Variants in SLC5A9 observed in about 807,000 individuals in gnomAD.
SLC5A9 encodes the protein sodium/glucose cotransporter 4.
SLC5A9 carries 59 observed loss-of-function variants against 70.9 expected under a neutral mutation model. The observed-to-expected ratio is 0.83, with a 90% CI of 0.68 to 1.03. SLC5A9 has a LOEUF of 1.03. Among genes scored for constraint, SLC5A9 ranks in the 50% least tolerant of loss-of-function variants. The pLI is 0.00. For missense variants in SLC5A9, 832 were observed against 881.1 expected, an observed-to-expected ratio of 0.94 and a Z score of 0.71; for synonymous variants, 340 against 346.5, an observed-to-expected ratio of 0.98 and a Z score of 0.21.
intron 12 of SLC5A9, chr1:48,241,827 T>C (rs763732364): frequency 2.8e-5 from 12 of 428,566 alleles, no homozygotes; most frequent in Non-Finnish European, 4.2e-5. Flanking sequence ...CACCACTACA[T>C]GTCTGGTCAC....
In SLC5A9 at chr1:48,232,393, C is replaced by T; in HGVS notation, c.924C>T (p.Ala308=). ...DQVIVQRSLS[A]KSLSHAKGGS... ...TCATTGTGCAGCGGTCTCTCTCGGC[C>T]AAGAGTCTGTCTCATGCCAAGGGAG... Residue 308 remains alanine, a synonymous_variant, in exon 8 of 14, where the codon GCC becomes GCT. Transcript: ENST00000438567. 3 of 1,614,182 alleles carry T rather than the reference C, an allele frequency of 1.9e-6. No homozygotes were observed. The highest frequency in any genetic ancestry group is 2.5e-6 in the Non-Finnish European group (3 of 1,180,034).
At chr1:48,226,330 C>T (rs113924129) in intron 2 of SLC5A9, among the ~76,000 whole-genome samples, 81 of 152,308 alleles carry the variant, frequency 5.3e-4, no homozygotes, top group African/African-American at 1.8e-3. Context: ...GGTCAACCCA[C>T]AGAGAGCCGA....
rs212991 is a variant in SLC5A9, at chr1:48,232,061, T to G, written c.807T>G (p.Ile269Met). 1,612,263 of 1,614,196 alleles carry G rather than the reference T, an allele frequency of 1. 805,167 individuals carry two copies. The highest frequency in any genetic ancestry group is 1 in the Middle Eastern group (6,062 of 6,062). ...CHLPRPDAFHILRDPVSGDIP... is the reference protein window; with the variant it reads ...CHLPRPDAFHMLRDPVSGDIP... ...TCCCACGGCCCGATGCTTTCCACAT[T>G]CTTCGGGACCCTGTGAGCGGGGACA... Residue 269 changes from isoleucine to methionine, a missense_variant, in exon 7 of 14, where the codon ATT becomes ATG. Physicochemically the swap from Ile to Met is conservative, Grantham distance 10. Transcript: ENST00000438567.
At chr1:48,233,871 A>G (rs1433984140) in intron 9 of SLC5A9, 109 bp downstream of exon 9, 4 of 785,372 alleles carry the variant, frequency 5.1e-6, no homozygotes, top group Non-Finnish European at 8.8e-6. Flanking sequence ...GAAGAAAACT[A>G]TTCACCTCTG....
Position 48,247,960 on chromosome 1 carries a change from C to T in SLC5A9, c.*417C>T, listed in dbSNP as rs1644477958. ...AAGAGCACCTTTGCTCCCCCTTATC[C>T]TCCTTCCTCTTCCCCTTTCTAGTTC... On this transcript the variant is annotated 3_prime_UTR_variant, in exon 14 of 14. Coordinates refer to ENST00000438567, the MANE Select transcript of SLC5A9 (RefSeq NM_001011547.3). The T allele has an allele frequency of 1.1e-5, 2 of 187,894 alleles. No individual in the cohort carries two copies. The highest frequency in any genetic ancestry group is 2.3e-5 in the Non-Finnish European group (2 of 88,080). The allele number at this position is 187,894 out of a possible 1,614,324, so 11.6% of individuals were successfully genotyped here. A position where few individuals can be genotyped will look rare whatever the true frequency, so the allele number is the denominator to read the frequency against.
In SLC5A9 at chr1:48,240,878, C is replaced by T. The variant is rs575211367; in HGVS notation, c.1677+1341C>T. On this transcript the variant is annotated intron_variant, in intron 12 of 13. Coordinates refer to ENST00000438567, the MANE Select transcript of SLC5A9 (RefSeq NM_001011547.3). Reference sequence around the variant, plus strand: ...GTTGTCCCCAACATTCTGCTGAAATCGCTCTCACTGAAGTCACTGATAACA... The same window carrying T: ...GTTGTCCCCAACATTCTGCTGAAATTGCTCTCACTGAAGTCACTGATAACA... Among the ~76,000 whole-genome samples the T allele has an allele frequency of 9.2e-5, 14 of 152,336 alleles. No individual in the cohort carries two copies. In the South Asian group the frequency reaches 1.0e-3, roughly 11 times the overall value.
chr1:48,224,049 G>T (rs1422203179), intron 1 of SLC5A9, among the ~76,000 whole-genome samples: 1 of 152,220 alleles, frequency 6.6e-6, no homozygotes, highest in African/African-American at 2.4e-5. Context: ...TCAGAGAACT[G>T]TTGGCTTTTG....
intron 4 of SLC5A9, 181 bp downstream of exon 4, chr1:48,229,640 G>A (rs534111996): frequency 2.2e-6 from 2 of 923,208 alleles, no homozygotes; most frequent in Non-Finnish European, 3.1e-6. Context: ...AGAGATGAAT[G>A]ATAAATGTTT....
chr1:48,232,804 AAAGAAAAGAG>A (rs1234534512), intron 8 of SLC5A9, among the ~76,000 whole-genome samples: 1 of 137,242 alleles, frequency 7.3e-6, no homozygotes, highest in Admixed American at 8.0e-5. Context: ...AAAGAAAAGT[AAAGAAAAGAG>A]AAGAGAAGAG....
At chr1:48,224,318 G>GGA (rs1644112987) in intron 1 of SLC5A9, among the ~76,000 whole-genome samples, 1 of 152,212 alleles carries the variant, frequency 6.6e-6, no homozygotes, top group Admixed American at 6.5e-5. Flanking sequence ...CTCCAGTGTG[G>GGA]GAGCTCAGCT....
intron 2 of SLC5A9, among the ~76,000 whole-genome samples, chr1:48,226,933 G>A (rs138405858): frequency 2.6e-4 from 39 of 152,314 alleles, no homozygotes; most frequent in African/African-American, 9.1e-4. Flanking sequence ...CCGCCTGAGA[G>A]AGGAAGAGTG....
chr1:48,244,811 AATTATATTTAT>A (rs1404634598), intron 13 of SLC5A9, among the ~76,000 whole-genome samples: 1 of 123,024 alleles, frequency 8.1e-6, no homozygotes, highest in African/African-American at 3.4e-5. Context: ...ATTATATATA[AATTATATTTAT>A]ATTATATATA....
At position 48,239,593 on chromosome 1, in the gene SLC5A9, C is replaced by G. The variant is rs1383112712; in HGVS notation, c.1677+56C>G. Reference sequence around the variant, plus strand: ...AGAAATGCTCTCCCTTCCCCCATAGCCTAGAATTCCACTGCTGACTTTTAC... The same window carrying G: ...AGAAATGCTCTCCCTTCCCCCATAGGCTAGAATTCCACTGCTGACTTTTAC... On this transcript the variant is annotated intron_variant, in intron 12 of 13. Coordinates refer to ENST00000438567, the MANE Select transcript of SLC5A9 (RefSeq NM_001011547.3). The surrounding 1 kb of genome is among the most constrained non-coding windows in gnomAD (Gnocchi z 4.2). The G allele has an allele frequency of 1.3e-6, 2 of 1,509,230 alleles. No homozygotes were observed. Among genetic ancestry groups the G allele is most frequent in the Admixed American group, 1.7e-5 (1 of 59,630 alleles). 93.5% of individuals were successfully genotyped at this position (1,509,230 alleles called of 1,614,324 possible). A position where few individuals can be genotyped will look rare whatever the true frequency, so the allele number is the denominator to read the frequency against.
In SLC5A9 at chr1:48,239,619, T is replaced by C; in HGVS notation, c.1677+82T>C. ...CTAGAATTCCACTGCTGACTTTTAC[T>C]CTGTTGGGTTATGGTCTCCCCTGTG... On this transcript the variant is annotated intron_variant, in intron 12 of 13. Transcript: ENST00000438567. This position sits in a 1 kb window ranked among gnomAD's most constrained non-coding sequence, Gnocchi z 4.2. 7.4e-7 allele frequency: 1 copy of C among 1,355,674 alleles called. No homozygotes were observed. The highest frequency in any genetic ancestry group is 1.0e-6 in the Non-Finnish European group (1 of 954,416). The allele number at this position is 1,355,674 out of a possible 1,614,324, so 84.0% of individuals were successfully genotyped here.
In SLC5A9 at chr1:48,229,312, G is replaced by A. The variant is rs1644212242; in HGVS notation, c.357G>A (p.Leu119=). The stretch of plus-strand genomic sequence containing the variant: ...TCTCCCAGGCAACCTGGCTGCTCCT[G>A]GCCCTTGGCTGGGTCTTCGTCCCTG... ...GFEWNATWLL[L]ALGWVFVPVY... The change falls in exon 4 of 14, where the codon CTG becomes CTA. Residue 119 remains leucine (L), a synonymous_variant. Coordinates refer to ENST00000438567, the MANE Select transcript of SLC5A9 (RefSeq NM_001011547.3). 6.2e-7 allele frequency: 1 copy of A among 1,614,158 alleles called. No individual in the cohort carries two copies. The highest frequency in any genetic ancestry group is 8.5e-7 in the Non-Finnish European group (1 of 1,180,026).
intron 13 of SLC5A9, among the ~76,000 whole-genome samples, chr1:48,244,110 A>G (rs1017951155): frequency 4.6e-5 from 7 of 152,192 alleles, no homozygotes; most frequent in Admixed American, 1.3e-4. Flanking sequence ...AAAAAACAGT[A>G]AAATCATTAA....
chr1:48,240,502 A>G (rs930827859), intron 12 of SLC5A9: 1 of 152,194 alleles, frequency 6.6e-6, no homozygotes, highest in African/African-American at 2.4e-5. Flanking sequence ...CATCATGGAT[A>G]ATACTCTTTT....
At chr1:48,231,428 C>T (rs1569832083) in intron 5 of SLC5A9, 117 bp from the exon 6 acceptor site, 1 of 1,275,308 alleles carries the variant, frequency 7.8e-7, no homozygotes, top group Non-Finnish European at 1.1e-6. Flanking sequence ...CAGAGTTCCC[C>T]TGCTAAGAGG....
rs1644482003 is a variant in SLC5A9 at position 48,248,413 on chromosome 1, T to G, written c.*870T>G. 1 of 152,328 alleles carries G rather than the reference T, an allele frequency of 6.6e-6. No individual in the cohort carries two copies. Among genetic ancestry groups the G allele is most frequent in the Non-Finnish European group, 1.5e-5 (1 of 68,144 alleles). The allele number at this position is 152,328 out of a possible 1,614,324, so 9.4% of individuals were successfully genotyped here. On this transcript the variant is annotated 3_prime_UTR_variant, in exon 14 of 14. Transcript: ENST00000438567. ...TTGCTTGCCATGAATCCGCATACCT[T>G]GGAATACACTGTGACCCCAGTTAAG...
Sources: allele counts gnomAD v4.1 joint callset (sites outside exome capture counted in the v4.1 genomes callset), GRCh38; gene constraint gnomAD v4.1.1; non-coding constraint Gnocchi (gnomAD v3.1); transcripts MANE v1.5; gene names NCBI Gene and HGNC (gene_info 2026-07-23, HGNC 2026-07-21).